The following KDM4C variants were observed in gnomAD, a reference collection of about 807,000 sequenced individuals.
KDM4C encodes lysine-specific demethylase 4C.
In KDM4C, 81 loss-of-function variants were observed where a neutral mutation model predicts 129.3. The observed-to-expected ratio is 0.63, with a 90% CI of 0.52 to 0.75. The LOEUF (loss-of-function observed/expected upper bound fraction) is 0.75, where lower values mean the gene tolerates loss of function less well. KDM4C is among the 30% of genes least tolerant of loss of function. The pLI, the probability that KDM4C is intolerant of heterozygous loss-of-function variation, is 0.00. For synonymous variants in KDM4C, 573 were observed against 456.1 expected, an observed-to-expected ratio of 1.26 and a Z score of -3.26; for missense variants, 1,457 against 1,304.0, an observed-to-expected ratio of 1.12 and a Z score of -1.81.
At chr9:6,807,808 CCCG>C (rs1202749723) in intron 3 of KDM4C, among the ~76,000 whole-genome samples, 2 of 149,006 alleles carry the variant, frequency 1.3e-5, no homozygotes, top group African/African-American at 5.0e-5. Flanking sequence ...GGGTCAGCCC[CCCG>C]CCCGGCCAGC....
At chr9:7,148,919 T>G (rs1243054452) in intron 19 of KDM4C, among the ~76,000 whole-genome samples, 2 of 152,192 alleles carry the variant, frequency 1.3e-5, no homozygotes, top group African/African-American at 2.4e-5. Context: ...TCAAGGAAGT[T>G]CTCACTCCCT....
chr9:6,758,023 A>G lies in KDM4C; in HGVS notation c.-198A>G. 3 of 985,318 alleles carry G rather than the reference A, an allele frequency of 3.0e-6. No homozygotes were observed. The highest frequency in any genetic ancestry group is 3.6e-6 in the Non-Finnish European group (3 of 829,914). 61.0% of individuals were successfully genotyped at this position (985,318 alleles called of 1,614,324 possible). A position where few individuals can be genotyped will look rare whatever the true frequency, so the allele number is the denominator to read the frequency against. On this transcript the variant is annotated 5_prime_UTR_variant, in exon 1 of 22. Coordinates refer to ENST00000381309, the MANE Select transcript of KDM4C (RefSeq NM_015061.6). The surrounding 1 kb of genome is among the most constrained non-coding windows in gnomAD (Gnocchi z 4.6). ...CCGCTGCCTCCCACCCACCCCCTCG[A>G]CGGGAGGGTGAGGCGCGGCGCAGTG...
At chr9:6,913,380 T>G (rs1167853357) in intron 8 of KDM4C, among the ~76,000 whole-genome samples, 2 of 152,234 alleles carry the variant, frequency 1.3e-5, no homozygotes, top group African/African-American at 4.8e-5. Flanking sequence ...TGTGATGTAG[T>G]GCAACATTTA....
chr9:6,754,759 C>A (rs371956664), upstream of KDM4C, among the ~76,000 whole-genome samples: 12 of 151,380 alleles, frequency 7.9e-5, no homozygotes, highest in East Asian at 1.8e-3. Flanking sequence ...GCTTGTAGTC[C>A]CAGCTACATG....
upstream of KDM4C, among the ~76,000 whole-genome samples, chr9:6,752,964 G>A (rs1818123939): frequency 6.6e-6 from 1 of 152,182 alleles, no homozygotes. Flanking sequence ...AATGGAAGAA[G>A]TGTGCTTGGA....
intron 17 of KDM4C, among the ~76,000 whole-genome samples, chr9:7,089,860 C>CT (rs1466730256): frequency 1.3e-5 from 2 of 152,206 alleles, no homozygotes; most frequent in Non-Finnish European, 2.9e-5. Flanking sequence ...TGCTGCTTTG[C>CT]TAGAGTCATG....
intron 12 of KDM4C, among the ~76,000 whole-genome samples, chr9:7,009,800 A>G (rs1822354756): frequency 6.6e-6 from 1 of 152,226 alleles, no homozygotes; most frequent in African/African-American, 2.4e-5. Flanking sequence ...TGACTCCTTG[A>G]ACATCATTGG....
In KDM4C at chr9:7,049,216, T is replaced by G. The variant is rs1440996192; in HGVS notation, c.2424+16T>G. The G allele has an allele frequency of 3.7e-6, 5 of 1,363,398 alleles. No individual in the cohort carries two copies. The highest frequency in any genetic ancestry group is 4.6e-5 in the East Asian group (2 of 43,132). 84.5% of individuals were successfully genotyped at this position (1,363,398 alleles called of 1,614,324 possible). On this transcript the variant is annotated intron_variant, in intron 17 of 21. Coordinates refer to ENST00000381309, the MANE Select transcript of KDM4C (RefSeq NM_015061.6). The stretch of plus-strand genomic sequence containing the variant: ...GTTAAAATTGGTGAGTGGCAAAGCT[T>G]CTTTTTTACCTCATAAATTAGTGTT...
chr9:6,978,525 T>C (rs1286133409), intron 8 of KDM4C: 1 of 152,204 alleles, frequency 6.6e-6, no homozygotes, highest in African/African-American at 2.4e-5. Flanking sequence ...GTTAGGGCTG[T>C]TGTAATAGCC....
chr9:6,731,555 C>T (rs909725897), intron 1 of KDM4C, among the ~76,000 whole-genome samples: 2 of 152,098 alleles, frequency 1.3e-5, no homozygotes, highest in Non-Finnish European at 2.9e-5. Context: ...TGGTCTCGAA[C>T]TCCTGACCTC....
intron 4 of KDM4C, among the ~76,000 whole-genome samples, chr9:6,840,470 C>T (rs181342248): frequency 6.6e-6 from 1 of 152,000 alleles, no homozygotes; most frequent in South Asian, 2.1e-4. Context: ...GATCTTGGCT[C>T]ACTGTAACCT....
At chr9:6,934,340 T>G (rs62533790) in intron 8 of KDM4C, among the ~76,000 whole-genome samples, 38,427 of 150,800 alleles carry the variant, frequency 0.25, 5,320 homozygotes, top group South Asian at 0.39. Flanking sequence ...AATTAGCCGT[T>G]TGTGCTGGCG....
At chr9:7,147,978 G>C (rs1275527273) in intron 19 of KDM4C, among the ~76,000 whole-genome samples, 1 of 152,196 alleles carries the variant, frequency 6.6e-6, no homozygotes, top group Admixed American at 6.5e-5. Flanking sequence ...CGGATCCCGT[G>C]CCTGCCAAGG....
At chr9:6,836,675 C>G (rs1835944415) in intron 4 of KDM4C, among the ~76,000 whole-genome samples, 1 of 152,098 alleles carries the variant, frequency 6.6e-6, no homozygotes, top group Admixed American at 6.5e-5. Flanking sequence ...TATTTTTGAC[C>G]TTATTAAAAA....
At chr9:6,949,185 C>T (rs1317898192) in intron 8 of KDM4C, among the ~76,000 whole-genome samples, 12 of 147,840 alleles carry the variant, frequency 8.1e-5, no homozygotes, top group Middle Eastern at 3.8e-3. Flanking sequence ...GGCTGCCGGG[C>T]GGAGGGGCTC....
chr9:7,066,760 G>T (rs1014232597), intron 17 of KDM4C, among the ~76,000 whole-genome samples: 4 of 151,576 alleles, frequency 2.6e-5, no homozygotes, highest in Admixed American at 6.6e-5. Context: ...GGATTATATT[G>T]TTGTTACTTG....
chr9:7,063,362 A>G (rs1831981657), intron 17 of KDM4C, among the ~76,000 whole-genome samples: 1 of 152,348 alleles, frequency 6.6e-6, no homozygotes, highest in South Asian at 2.1e-4. Flanking sequence ...TCACTTCCCC[A>G]TAAGAACAAA....
chr9:6,758,629 C>T lies in KDM4C; in HGVS notation c.-18+426C>T, dbSNP rs1241065080. Among the ~76,000 whole-genome samples, 2 of 152,234 alleles carry T rather than the reference C, an allele frequency of 1.3e-5. No individual in the cohort carries two copies. Among genetic ancestry groups the T allele is most frequent in the African/African-American group, 2.4e-5 (1 of 41,542 alleles). On this transcript the variant is annotated intron_variant, in intron 1 of 21. Transcript: ENST00000381309. This position sits in a 1 kb window ranked among gnomAD's most constrained non-coding sequence, Gnocchi z 4.6. ...TCCCTTCCCTGGGAGTGTCACGACCCGCGGGGTGAGGGTGGGAGCTCCTCT... is the reference window on the plus strand; with the variant it reads ...TCCCTTCCCTGGGAGTGTCACGACCTGCGGGGTGAGGGTGGGAGCTCCTCT...
chr9:6,983,031 T>A (rs1817038645), intron 9 of KDM4C, among the ~76,000 whole-genome samples: 1 of 152,246 alleles, frequency 6.6e-6, no homozygotes, highest in Non-Finnish European at 1.5e-5. Context: ...GCCTTCTTTT[T>A]TTCACATATA....
Sources: allele counts gnomAD v4.1 joint callset (sites outside exome capture counted in the v4.1 genomes callset), GRCh38; gene constraint gnomAD v4.1.1; non-coding constraint Gnocchi (gnomAD v3.1); transcripts MANE v1.5; gene names NCBI Gene and HGNC (gene_info 2026-07-23, HGNC 2026-07-21).